Variants in ZNF507 observed in about 807,000 individuals in gnomAD.
ZNF507 encodes zinc finger protein 507.
Under a neutral mutation model 80.0 loss-of-function variants are expected in ZNF507, and 29 were observed. That is an observed-to-expected ratio of 0.36 (90% CI 0.27 to 0.49). ZNF507 has a LOEUF of 0.49. Among genes scored for constraint, ZNF507 ranks in the 20% least tolerant of loss-of-function variants. The pLI, the probability that ZNF507 is intolerant of heterozygous loss-of-function variation, is 0.98. For synonymous variants in ZNF507, 462 were observed against 422.5 expected (o/e 1.09, Z -1.15); for missense variants, 1,081 against 1,152.2 (o/e 0.94, Z 0.90).
chr19:32,351,784 G>A (rs558865220), intron 2 of ZNF507, among the ~76,000 whole-genome samples: 4 of 152,134 alleles, frequency 2.6e-5, no homozygotes, highest in Admixed American at 6.5e-5. Context: ...AACAAAACTT[G>A]TTGCTGGAAA....
chr19:32,372,168 T>C (rs544686119), intron 5 of ZNF507, among the ~76,000 whole-genome samples: 1 of 152,320 alleles, frequency 6.6e-6, no homozygotes, highest in South Asian at 2.1e-4. Context: ...AAAATACTCA[T>C]GGAACATTGT....
At chr19:32,359,091 A>G (rs538942398) in intron 4 of ZNF507, 3 of 152,306 alleles carry the variant, frequency 2.0e-5, no homozygotes, top group South Asian at 4.1e-4. Flanking sequence ...CCATTATCCA[A>G]TATTTCACAC....
chr19:32,363,490 G>A (rs908491980), intron 5 of ZNF507, among the ~76,000 whole-genome samples: 1 of 152,138 alleles, frequency 6.6e-6, no homozygotes, highest in African/African-American at 2.4e-5. Flanking sequence ...ACGGCTTCAT[G>A]GATCCCTGGT....
At chr19:32,367,684 T>A (rs1967417059) in intron 5 of ZNF507, among the ~76,000 whole-genome samples, 1 of 152,174 alleles carries the variant, frequency 6.6e-6, no homozygotes. Flanking sequence ...ACATCAACTA[T>A]GCGTGCTTAG....
chr19:32,354,957 G>A lies in ZNF507; in HGVS notation c.2127G>A (p.Lys709=), dbSNP rs1379416819. 4.4e-6 allele frequency: 7 copies of A among 1,592,862 alleles called. No homozygotes were observed. Among genetic ancestry groups the A allele is most frequent in the East Asian group, 2.2e-5 (1 of 44,660 alleles). ...AGTGTGAAGAATCCTTCCATTATAA[G>A]GTAAGCATTGGTTCAGGAAGTCTTT... The part of the protein sequence containing the change: ...CKQCEESFHY[K]SQLRNHEREQ... Residue 709 remains lysine (K), a splice_region_variant and synonymous_variant, in exon 3 of 7, where the codon AAG becomes AAA. Transcript: ENST00000355898.
At chr19:32,361,719 TTTC>T (rs1424829163) in intron 5 of ZNF507, among the ~76,000 whole-genome samples, 4 of 142,854 alleles carry the variant, frequency 2.8e-5, no homozygotes, top group African/African-American at 1.1e-4. Context: ...CTTCCTTTCC[TTTC>T]TTCCTTTCCT....
rs966094998 is a variant in ZNF507 at position 32,387,545 on chromosome 19, C to G, written c.*4462C>G. 3 of 152,062 alleles carry G rather than the reference C, an allele frequency of 2.0e-5. No individual in the cohort carries two copies. The highest frequency in any genetic ancestry group is 4.4e-5 in the Non-Finnish European group (3 of 68,022). 9.4% of individuals were successfully genotyped at this position (152,062 alleles called of 1,614,324 possible). ...TCCAGTGTGGCAGCCACTATAATAT[C>G]TAAGTGTAAAATACATAGCAGTTGC... On this transcript the variant is annotated 3_prime_UTR_variant, in exon 7 of 7. Coordinates refer to ENST00000355898, the MANE Select transcript of ZNF507 (RefSeq NM_001136156.2).
In ZNF507 at chr19:32,364,841, A is replaced by T. The variant is rs143234971; in HGVS notation, c.2360+4223A>T. 2.5e-3 allele frequency among the ~76,000 whole-genome samples: 376 copies of T among 152,204 alleles called. 1 individual carries two copies. Among genetic ancestry groups the T allele is most frequent in the African/African-American group, 8.8e-3 (367 of 41,528 alleles). On this transcript the variant is annotated intron_variant, in intron 5 of 6. Coordinates refer to ENST00000355898, the MANE Select transcript of ZNF507 (RefSeq NM_001136156.2). ...TCCAATAATGACTTCTTTTCCTGGGATTGCTGGATCAAATGGTAGTTCTAC... is the reference window on the plus strand; with the variant it reads ...TCCAATAATGACTTCTTTTCCTGGGTTTGCTGGATCAAATGGTAGTTCTAC...
rs759123708 is a variant in ZNF507 at position 32,354,670 on chromosome 19, A to G, written c.1840A>G (p.Asn614Asp). The change falls in exon 3 of 7, where the codon AAC becomes GAC. Residue 614 changes from asparagine (N) to aspartate (D), a missense_variant. Coordinates refer to ENST00000355898, the MANE Select transcript of ZNF507 (RefSeq NM_001136156.2). ...DDDILKELQDNAQCQPNSDTS... is the reference protein window; with the variant it reads ...DDDILKELQDDAQCQPNSDTS... ...TGACATTTTGAAAGAGTTGCAGGAC[A>G]ACGCCCAGTGCCAACCCAACAGCGA... The G allele has an allele frequency of 1.1e-5, 17 of 1,614,084 alleles. No individual in the cohort carries two copies. Among genetic ancestry groups the G allele is most frequent in the Non-Finnish European group, 5.1e-6 (6 of 1,180,050 alleles).
chr19:32,355,105 C>A, intron 3 of ZNF507, 148 bp downstream of exon 3: 1 of 738,998 alleles, frequency 1.4e-6, no homozygotes. Flanking sequence ...GGGATCCCAA[C>A]TTACCAGTAT....
At chr19:32,381,426 C>T (rs144585172) in intron 5 of ZNF507, among the ~76,000 whole-genome samples, 64 of 152,124 alleles carry the variant, frequency 4.2e-4, no homozygotes, top group Non-Finnish European at 3.4e-4. Context: ...ATAGTGAAAC[C>T]CCATCTCTAC....
intron 4 of ZNF507, chr19:32,358,617 G>C (rs28505687): frequency 6.6e-6 from 1 of 152,174 alleles, no homozygotes; most frequent in Non-Finnish European, 1.5e-5. Flanking sequence ...AAGCCCTTTC[G>C]TATGGTGTTA....
intron 2 of ZNF507, among the ~76,000 whole-genome samples, chr19:32,350,663 A>G (rs1338042334): frequency 1.3e-5 from 2 of 152,132 alleles, no homozygotes; most frequent in Non-Finnish European, 2.9e-5. Context: ...CGGGTGTGCA[A>G]AGTCTCTTGA....
Position 32,354,515 on chromosome 19 carries a change from C to T in ZNF507, c.1685C>T (p.Ser562Phe). The change falls in exon 3 of 7, where the codon TCC (serine) becomes TTC (phenylalanine). Residue 562 changes from serine to phenylalanine, a missense_variant. Ser to Phe is a radical substitution (Grantham distance 155). Transcript: ENST00000355898. The part of the protein sequence containing the change: ...DGLTSLNQSN[S>F]TLVALPEGRQ... Reference sequence around the variant, plus strand: ...TTAACTAGTCTTAACCAAAGCAACTCCACCTTGGTAGCACTCCCAGAGGGT... The same window carrying T: ...TTAACTAGTCTTAACCAAAGCAACTTCACCTTGGTAGCACTCCCAGAGGGT... The T allele has an allele frequency of 6.2e-7, 1 of 1,614,186 alleles. No individual in the cohort carries two copies. Among genetic ancestry groups the T allele is most frequent in the Non-Finnish European group, 8.5e-7 (1 of 1,180,044 alleles).
chr19:32,348,937 G>C (rs1333309861), intron 2 of ZNF507, among the ~76,000 whole-genome samples: 2 of 152,162 alleles, frequency 1.3e-5, no homozygotes, highest in African/African-American at 4.8e-5. Flanking sequence ...TTCCAAGGAA[G>C]CAAATGGCAC....
At position 32,354,572 on chromosome 19, in the gene ZNF507, C is replaced by G; in HGVS notation, c.1742C>G (p.Thr581Arg). The G allele has an allele frequency of 6.2e-7, 1 of 1,614,160 alleles. No individual in the cohort carries two copies. ...GAATTGTCAGATGGGCAGGTTAAGA[C>G]AGGCATCAGCATGTCCTTACTCACC... The part of the protein sequence containing the change: ...RQELSDGQVK[T>R]GISMSLLTVI... The change falls in exon 3 of 7, where the codon ACA becomes AGA. Residue 581 changes from threonine to arginine, a missense_variant. Physicochemically the swap from Thr to Arg is moderately conservative, Grantham distance 71. Around this residue, in one of 6 missense-constraint regions of ZNF507, gnomAD observed 614 missense variants for 583.9 expected, o/e 1.05. Coordinates refer to ENST00000355898, the MANE Select transcript of ZNF507 (RefSeq NM_001136156.2).
intron 4 of ZNF507, 51 bp from the exon 5 acceptor site, chr19:32,360,453 A>G: frequency 2.1e-6 from 2 of 934,442 alleles, no homozygotes; most frequent in Middle Eastern, 2.3e-4. Flanking sequence ...AAATGCTGTC[A>G]TTTGAATCTT....
chr19:32,356,613 T>A lies in ZNF507; in HGVS notation c.2128-3T>A. On this transcript the variant is annotated splice_region_variant and splice_polypyrimidine_tract_variant and intron_variant, in intron 3 of 6. Transcript: ENST00000355898. ...AAATTACATATTTCTTTCCACTTTT[T>A]AGAGTCAATTGAGGAACCATGAGAG... 6.2e-7 allele frequency: 1 copy of A among 1,607,876 alleles called. No individual in the cohort carries two copies. The highest frequency in any genetic ancestry group is 8.5e-7 in the Non-Finnish European group (1 of 1,174,790).
rs139421096 is a variant in ZNF507 at position 32,353,963 on chromosome 19, T to G, written c.1133T>G (p.Leu378Arg). Residue 378 changes from leucine to arginine, a missense_variant, in exon 3 of 7, where the codon CTT becomes CGT. Physicochemically the swap from Leu to Arg is moderately radical, Grantham distance 102. Around this residue, in one of 6 missense-constraint regions of ZNF507, gnomAD observed 614 missense variants for 583.9 expected, o/e 1.05. Coordinates refer to ENST00000355898, the MANE Select transcript of ZNF507 (RefSeq NM_001136156.2). ...AEENLIPDSL[L>R]TSAQKIISSS... ...GAGAATCTGATTCCTGATAGCCTGC[T>G]TACATCAGCACAGAAAATCATCAGC... 6.2e-7 allele frequency: 1 copy of G among 1,614,174 alleles called. No homozygotes were observed. Among genetic ancestry groups the G allele is most frequent in the East Asian group, 2.2e-5 (1 of 44,874 alleles).
Sources: allele counts gnomAD v4.1 joint callset (sites outside exome capture counted in the v4.1 genomes callset), GRCh38; gene constraint gnomAD v4.1.1; regional missense constraint gnomAD v4.1.1; transcripts MANE v1.5; gene names NCBI Gene and HGNC (gene_info 2026-07-23, HGNC 2026-07-21).